Variants in FBXL5 observed in about 807,000 individuals in gnomAD.
The protein encoded by FBXL5 is F-box and leucine rich repeat protein 5.
Under a neutral mutation model 78.3 loss-of-function variants are expected in FBXL5, and 26 were observed. The ratio of observed to expected loss-of-function variants is 0.33; its 90% CI spans 0.24 to 0.46. The LOEUF (loss-of-function observed/expected upper bound fraction) is 0.46, where lower values mean the gene tolerates loss of function less well. Ranked by LOEUF, FBXL5 falls within the 20% of genes least tolerant of loss-of-function variation. The probability of loss-of-function intolerance (pLI) is 1.00; values close to 1 mark genes in which losing one functional copy is unlikely to be tolerated. For missense variants in FBXL5, 710 were observed against 829.2 expected, an observed-to-expected ratio of 0.86 and a Z score of 1.77; for synonymous variants, 295 against 282.5, an observed-to-expected ratio of 1.04 and a Z score of -0.45.
chr4:15,666,258 G>T (rs921701392), intron 1 of FBXL5, among the ~76,000 whole-genome samples: 1 of 152,030 alleles, frequency 6.6e-6, no homozygotes, highest in African/African-American at 2.4e-5. Flanking sequence ...AATTAGCCAG[G>T]TATGGTGGTG....
At chr4:15,647,272 A>AAACAAC (rs143202841) in intron 1 of FBXL5, among the ~76,000 whole-genome samples, 7 of 141,010 alleles carry the variant, frequency 5.0e-5, no homozygotes, top group African/African-American at 1.6e-4. Flanking sequence ...AAATAAAAAT[A>AAACAAC]AACAACAACA....
At position 15,604,389 on chromosome 4, in the gene FBXL5, T is replaced by C. The variant is rs1165404618; in HGVS notation, c.*1334A>G. ...TCAGAACATACATAATATTTATCAA[T>C]TAAGTTCTCTGTCTTATTAGGGCAC... is the stretch of plus-strand genomic sequence containing the variant. On this transcript the variant is annotated 3_prime_UTR_variant, in exon 11 of 11. Transcript: ENST00000341285. 6.6e-6 allele frequency: 1 copy of C among 152,204 alleles called. No individual in the cohort carries two copies. 9.4% of individuals were successfully genotyped at this position (152,204 alleles called of 1,614,324 possible).
At chr4:15,647,278 C>CAAT (rs1436305887) in intron 1 of FBXL5, among the ~76,000 whole-genome samples, 1 of 130,214 alleles carries the variant, frequency 7.7e-6, no homozygotes, top group Non-Finnish European at 1.7e-5. Flanking sequence ...AAATAAACAA[C>CAAT]AACAACAAAA....
chr4:15,613,366 A>C (rs1722399242), intron 9 of FBXL5, among the ~76,000 whole-genome samples: 1 of 152,226 alleles, frequency 6.6e-6, no homozygotes, highest in African/African-American at 2.4e-5. Context: ...ATTACATTTC[A>C]ATAAAAAATA....
chr4:15,626,034 G>A, intron 8 of FBXL5, 57 bp from the exon 9 acceptor site: 3 of 1,423,734 alleles, frequency 2.1e-6, no homozygotes, highest in Non-Finnish European at 2.8e-6. Flanking sequence ...AAAAGCATTT[G>A]ACTATATGCA....
rs1560205230 is a variant in FBXL5, at chr4:15,605,806, G to A, written c.2000-7C>T. 1.2e-6 allele frequency: 2 copies of A among 1,601,360 alleles called. No homozygotes were observed. The highest frequency in any genetic ancestry group is 1.7e-6 in the Non-Finnish European group (2 of 1,177,824). ...GCGGTATCAGCATGAGGACCTGTAT[G>A]AAAACAGAAAAATGTGAAAGGAGGA... On this transcript the variant is annotated splice_polypyrimidine_tract_variant and splice_region_variant and intron_variant, in intron 10 of 10. Coordinates refer to ENST00000341285, the MANE Select transcript of FBXL5 (RefSeq NM_012161.4).
intron 5 of FBXL5, among the ~76,000 whole-genome samples, chr4:15,631,457 G>T (rs1263475631): frequency 6.6e-6 from 1 of 152,136 alleles, no homozygotes; most frequent in African/African-American, 2.4e-5. Context: ...TGGGTCAAAT[G>T]GTATTTCTAG....
chr4:15,658,765 A>G (rs552904251), upstream of FBXL5, among the ~76,000 whole-genome samples: 1 of 152,226 alleles, frequency 6.6e-6, no homozygotes, highest in Non-Finnish European at 1.5e-5. Flanking sequence ...AGACAGGCAC[A>G]TACAGGATGA....
chr4:15,666,141 G>A (rs1717536364), intron 1 of FBXL5, among the ~76,000 whole-genome samples: 1 of 152,070 alleles, frequency 6.6e-6, no homozygotes, highest in South Asian at 2.1e-4. Context: ...GTTCACACCT[G>A]TACTCCAAGC....
chr4:15,660,023 A>G (rs1717230245), upstream of FBXL5: 1 of 152,044 alleles, frequency 6.6e-6, no homozygotes, highest in Admixed American at 6.6e-5. Context: ...GCCTACAGAG[A>G]GGGGAAAAAA....
At chr4:15,647,389 T>C (rs1268319133) in intron 1 of FBXL5, among the ~76,000 whole-genome samples, 4 of 152,164 alleles carry the variant, frequency 2.6e-5, no homozygotes, top group East Asian at 1.9e-4. Flanking sequence ...GTAAGTTACA[T>C]GCAAATACTA....
At chr4:15,674,993 T>A (rs113715477) in intron 1 of FBXL5, among the ~76,000 whole-genome samples, 9 of 152,072 alleles carry the variant, frequency 5.9e-5, no homozygotes, top group African/African-American at 2.2e-4. Context: ...ATACCTACAA[T>A]CATTGTTTGC....
At chr4:15,655,514 C>G (rs1377864666), upstream of FBXL5, 1 of 353,988 alleles carries the variant, frequency 2.8e-6, no homozygotes, top group African/African-American at 2.2e-5. Context: ...TTCTGCCTCC[C>G]GCCCCCACTC....
Position 15,638,588 on chromosome 4 carries a change from A to T in FBXL5, c.503T>A (p.Leu168His). 6.2e-7 allele frequency: 1 copy of T among 1,613,516 alleles called. No homozygotes were observed. The highest frequency in any genetic ancestry group is 1.1e-5 in the South Asian group (1 of 90,998). The change falls in exon 4 of 11, where the codon CTT (leucine) becomes CAT (histidine). Residue 168 changes from leucine (L) to histidine (H), a missense_variant. By Grantham distance (99) the Leu-to-His change is moderately conservative. Transcript: ENST00000341285. ...HCSQKDTAEL[L>H]RGLSLWNHAE... ...ATGATTCCATAGGCTAAGACCTCTA[A>T]GGAGTTCTGCAGTATCCTTCTGAGA...
chr4:15,617,015 A>G (rs1018681120), intron 9 of FBXL5, among the ~76,000 whole-genome samples: 1 of 152,222 alleles, frequency 6.6e-6, no homozygotes, highest in African/African-American at 2.4e-5. Flanking sequence ...ATGTTTTTAC[A>G]CTGTTGGGAG....
intron 10 of FBXL5, among the ~76,000 whole-genome samples, chr4:15,609,616 G>A (rs1049343292): frequency 6.6e-6 from 1 of 151,970 alleles, no homozygotes; most frequent in African/African-American, 2.4e-5. Flanking sequence ...TGCTATCATT[G>A]CTCAAATGTT....
intron 1 of FBXL5, among the ~76,000 whole-genome samples, chr4:15,669,117 T>C (rs1560251839): frequency 1.3e-5 from 2 of 152,206 alleles, no homozygotes; most frequent in Non-Finnish European, 1.5e-5. Context: ...TGAGTATTTG[T>C]TACTTGACAA....
rs780454851 is a variant in FBXL5, at chr4:15,630,745, A to T, written c.813T>A (p.Asp271Glu). Residue 271 changes from aspartate (D) to glutamate (E), a missense_variant, in exon 6 of 11, where the codon GAT (aspartate) becomes GAA (glutamate). By Grantham distance (45) the Asp-to-Glu change is conservative. Coordinates refer to ENST00000341285, the MANE Select transcript of FBXL5 (RefSeq NM_012161.4). ...CTTTCCTATTTTTCACCCATTCATC[A>T]TCAGGTTCAGTATCAAGTTCAGTTG... ...GPATELDTEP[D>E]DEWVKNRKDE... is the part of the protein sequence containing the mutation. 9.3e-6 allele frequency: 15 copies of T among 1,610,986 alleles called. No individual in the cohort carries two copies. Among genetic ancestry groups the T allele is most frequent in the Non-Finnish European group, 1.3e-5 (15 of 1,179,072 alleles).
chr4:15,650,255 G>A (rs1715832866), intron 1 of FBXL5, among the ~76,000 whole-genome samples: 1 of 152,190 alleles, frequency 6.6e-6, no homozygotes, highest in African/African-American at 2.4e-5. Context: ...GTTAAGAAAT[G>A]TTGCTCTAGA....
Sources: gnomAD v4.1 joint callset for allele counts (sites outside exome capture counted in the v4.1 genomes callset) on GRCh38, gnomAD v4.1.1 for gene constraint, MANE v1.5 for transcripts, NCBI Gene and HGNC (gene_info 2026-07-23, HGNC 2026-07-21) for gene names.